Variants in TBKBP1 observed in about 807,000 individuals in gnomAD.
TBKBP1 encodes TBK1 binding protein 1.
In TBKBP1, 47 loss-of-function variants were observed where a neutral mutation model predicts 69.9. That is an observed-to-expected ratio of 0.67 (90% confidence interval 0.53 to 0.86). The LOEUF (loss-of-function observed/expected upper bound fraction) is 0.86. Ranked by LOEUF, TBKBP1 falls within the 40% of genes least tolerant of loss-of-function variation. TBKBP1 has a pLI of 0.00. For missense variants in TBKBP1, 831 were observed against 858.6 expected (o/e 0.97, Z 0.40); for synonymous variants, 418 against 390.3 (o/e 1.07, Z -0.84).
In TBKBP1 at chr17:47,696,319, C is replaced by T. The variant is rs1428727616; in HGVS notation, c.207C>T (p.Leu69=). ...ERENATLRRR[L]KVYEIKYPLI... ...AGAACGCCACCCTCCGACGCCGCCT[C>T]AAAGTCTACGAGATCAAGGTCAGAA... Residue 69 remains leucine, a synonymous_variant, in exon 2 of 10, where the codon CTC becomes CTT. Coordinates refer to ENST00000578982, the MANE Select transcript of TBKBP1 (RefSeq NM_001394755.1). 3 of 1,612,924 alleles carry T rather than the reference C, an allele frequency of 1.9e-6. No individual in the cohort carries two copies. In the African/African-American group the frequency reaches 4.0e-5, roughly 22 times the overall value.
chr17:47,708,861 G>A lies in TBKBP1; in HGVS notation c.1128G>A (p.Pro376=). Residue 376 remains proline, a synonymous_variant, in exon 9 of 10, where the codon CCG becomes CCA. Transcript: ENST00000578982. This position sits in a 1 kb window ranked among gnomAD's most constrained non-coding sequence, Gnocchi z 4.4. ...CCCAGCGCCGCTCTCCCGTGCCCCC[G>A]TGCCCCTCGCCGCAGCAGCGCCGCT... ...PVPQRRSPVP[P]CPSPQQRRSP... is the part of the protein sequence containing the mutation. The A allele has an allele frequency of 3.1e-6, 4 of 1,298,438 alleles. No individual in the cohort carries two copies. The highest frequency in any genetic ancestry group is 5.5e-4 in the Middle Eastern group (2 of 3,644). The allele number at this position is 1,298,438 out of a possible 1,614,324, so 80.4% of individuals were successfully genotyped here.
Position 47,696,272 on chromosome 17 carries a change from C to T in TBKBP1, c.160C>T (p.Arg54Trp). 3.7e-6 allele frequency: 6 copies of T among 1,613,658 alleles called. No individual in the cohort carries two copies. The highest frequency in any genetic ancestry group is 1.1e-5 in the South Asian group (1 of 91,084). The stretch of plus-strand genomic sequence containing the variant: ...CACTGCTTACGGAGACATCAAGGAA[C>T]GGCTGGGGGGCCTGGAGAGGGAGAA... The part of the protein sequence containing the change: ...LITAYGDIKE[R>W]LGGLERENAT... The change falls in exon 2 of 10, where the codon CGG becomes TGG. Residue 54 changes from arginine to tryptophan, a missense_variant. Coordinates refer to ENST00000578982, the MANE Select transcript of TBKBP1 (RefSeq NM_001394755.1).
rs956058131 is a variant in TBKBP1 at position 47,708,700 on chromosome 17, C to G, written c.992-25C>G. ...TCTTCTCTCTGCACCTTTGTCCCCC[C>G]ACCCCGTCCCGGTTTCTCTTCCAGG... On this transcript the variant is annotated intron_variant, in intron 8 of 9. Coordinates refer to ENST00000578982, the MANE Select transcript of TBKBP1 (RefSeq NM_001394755.1). The surrounding 1 kb of genome is among the most constrained non-coding windows in gnomAD (Gnocchi z 4.4). 3.4e-6 allele frequency: 5 copies of G among 1,481,370 alleles called. No homozygotes were observed. The highest frequency in any genetic ancestry group is 2.8e-5 in the African/African-American group (2 of 71,328). 91.8% of individuals were successfully genotyped at this position (1,481,370 alleles called of 1,614,324 possible). A position where few individuals can be genotyped will look rare whatever the true frequency, so the allele number is the denominator to read the frequency against.
intron 7 of TBKBP1, among the ~76,000 whole-genome samples, chr17:47,702,291 C>T (rs952154282): frequency 1.1e-4 from 16 of 151,922 alleles, no homozygotes; most frequent in Non-Finnish European, 2.2e-4. Context: ...GAGTGAGTGT[C>T]GAGGCTGGAT....
chr17:47,703,040 G>A (rs1259031748), intron 7 of TBKBP1, among the ~76,000 whole-genome samples: 1 of 152,158 alleles, frequency 6.6e-6, no homozygotes, highest in Non-Finnish European at 1.5e-5. Context: ...GGGGGTCTGT[G>A]AGGGGAATAA....
At position 47,699,655 on chromosome 17, in the gene TBKBP1, C is replaced by T. The variant is rs767509865; in HGVS notation, c.830C>T (p.Ser277Leu). Residue 277 changes from serine (S) to leucine (L), a missense_variant, in exon 7 of 10, where the codon TCG becomes TTG. Transcript: ENST00000578982. ...TRAQDLASNQSERDMAWVKRV... is the reference protein window; with the variant it reads ...TRAQDLASNQLERDMAWVKRV... The stretch of plus-strand genomic sequence containing the variant: ...CCTTAGGATCTGGCCTCCAACCAGT[C>T]GGAGCGAGACATGGCGTGGGTGAAA... 62 of 1,613,748 alleles carry T rather than the reference C, an allele frequency of 3.8e-5. No individual in the cohort carries two copies. The highest frequency in any genetic ancestry group is 1.6e-4 in the Middle Eastern group (1 of 6,082).
chr17:47,699,017 C>A (rs997370609), intron 5 of TBKBP1, among the ~76,000 whole-genome samples: 1 of 152,180 alleles, frequency 6.6e-6, no homozygotes, highest in Non-Finnish European at 1.5e-5. Flanking sequence ...AGGGCGCCCC[C>A]ACCCAGAGTC....
At position 47,696,251 on chromosome 17, in the gene TBKBP1, GC is replaced by G; in HGVS notation, c.140del (p.Ala47ValfsTer32). On this transcript the variant is annotated frameshift_variant, in exon 2 of 10. Transcript: ENST00000578982. LOFTEE classifies it high-confidence loss of function. ...CSASHFALIT[A>X]YGDIKERLGG... ...CGCCTCCCACTTTGCCCTCATCACT[GC>G]TTACGGAGACATCAAGGAACGGCTG... is the stretch of plus-strand genomic sequence containing the variant. 6.2e-7 allele frequency: 1 copy of G among 1,613,720 alleles called. No homozygotes were observed. Among genetic ancestry groups the G allele is most frequent in the Non-Finnish European group, 8.5e-7 (1 of 1,179,854 alleles).
chr17:47,702,083 T>A (rs2031530126), intron 7 of TBKBP1, among the ~76,000 whole-genome samples: 1 of 152,242 alleles, frequency 6.6e-6, no homozygotes, highest in African/African-American at 2.4e-5. Context: ...ACTACCCCGA[T>A]AGTTTTATTT....
intron 7 of TBKBP1, among the ~76,000 whole-genome samples, chr17:47,703,393 C>A (rs1422923717): frequency 6.6e-6 from 1 of 152,198 alleles, no homozygotes; most frequent in East Asian, 1.9e-4. Flanking sequence ...AACCAGCAGG[C>A]CCAGGGCCTC....
intron 1 of TBKBP1, among the ~76,000 whole-genome samples, chr17:47,694,892 G>C (rs1052310330): frequency 1.3e-5 from 2 of 151,130 alleles, no homozygotes; most frequent in East Asian, 2.0e-4. Flanking sequence ...TGGCGGAGGG[G>C]GGGGGGTGGA....
At chr17:47,706,869 A>ACACG (rs1555623188) in intron 7 of TBKBP1, among the ~76,000 whole-genome samples, 4 of 148,254 alleles carry the variant, frequency 2.7e-5, no homozygotes, top group Admixed American at 2.0e-4. Flanking sequence ...ACACACACAC[A>ACACG]CGCACACACC....
Position 47,698,704 on chromosome 17 carries a change from C to T in TBKBP1, c.563C>T (p.Ala188Val). 2 of 1,607,170 alleles carry T rather than the reference C, an allele frequency of 1.2e-6. No individual in the cohort carries two copies. The highest frequency in any genetic ancestry group is 1.7e-6 in the Non-Finnish European group (2 of 1,176,938). ...TTCTCCAACCTGAGCCCACCGCCAGCCCCCGCCCCTCCCTGCACTGATTTA... is the reference window on the plus strand; with the variant it reads ...TTCTCCAACCTGAGCCCACCGCCAGTCCCCGCCCCTCCCTGCACTGATTTA... ...AAFSNLSPPP[A>V]PAPPCTDLDL... The change falls in exon 5 of 10, where the codon GCC (alanine) becomes GTC (valine). Residue 188 changes from alanine to valine, a missense_variant. Transcript: ENST00000578982.
intron 7 of TBKBP1, among the ~76,000 whole-genome samples, chr17:47,701,565 C>T (rs1233599783): frequency 6.6e-6 from 1 of 152,158 alleles, no homozygotes; most frequent in Non-Finnish European, 1.5e-5. Flanking sequence ...TTTTGAATCC[C>T]AGGGGCCTTT....
chr17:47,702,953 G>A (rs918531138), intron 7 of TBKBP1, among the ~76,000 whole-genome samples: 2 of 149,560 alleles, frequency 1.3e-5, no homozygotes, highest in African/African-American at 2.5e-5. Flanking sequence ...GCCTTTTGGA[G>A]GGTATGGCCG....
chr17:47,694,687 C>G (rs1484657991), intron 1 of TBKBP1: 2 of 151,746 alleles, frequency 1.3e-5, no homozygotes, highest in South Asian at 2.1e-4. Flanking sequence ...GACAGAGCCC[C>G]GCCAGCGGGG....
At chr17:47,703,124 T>C (rs2031572977) in intron 7 of TBKBP1, among the ~76,000 whole-genome samples, 1 of 151,914 alleles carries the variant, frequency 6.6e-6, no homozygotes, top group Admixed American at 6.5e-5. Context: ...GTATGGGCGA[T>C]GAGGAAAAAA....
chr17:47,708,765 C>A lies in TBKBP1; in HGVS notation c.1032C>A (p.Ala344=). 8.9e-7 allele frequency: 1 copy of A among 1,122,698 alleles called. No homozygotes were observed. The highest frequency in any genetic ancestry group is 1.3e-6 in the Non-Finnish European group (1 of 796,334). 69.5% of individuals were successfully genotyped at this position (1,122,698 alleles called of 1,614,324 possible). Reference sequence around the variant, plus strand: ...CGCTGTCACAACGCCACTCCCCGGCCCCCCAGTGCCCCTCCCCCTCCCCGC... The same window carrying A: ...CGCTGTCACAACGCCACTCCCCGGCACCCCAGTGCCCCTCCCCCTCCCCGC... The part of the protein sequence containing the change: ...HSPLSQRHSP[A]PQCPSPSPPA... Residue 344 remains alanine, a synonymous_variant, in exon 9 of 10, where the codon GCC becomes GCA. Transcript: ENST00000578982. This position sits in a 1 kb window ranked among gnomAD's most constrained non-coding sequence, Gnocchi z 4.4.
intron 9 of TBKBP1, among the ~76,000 whole-genome samples, chr17:47,710,229 T>C (rs576315177): frequency 2.6e-5 from 4 of 152,340 alleles, no homozygotes; most frequent in African/African-American, 9.6e-5. Flanking sequence ...TCTGGGGGCA[T>C]GTCTGGGTCT....
Sources: gnomAD v4.1 joint callset for allele counts (sites outside exome capture counted in the v4.1 genomes callset) on GRCh38, gnomAD v4.1.1 for gene constraint, Gnocchi (gnomAD v3.1) non-coding constraint, MANE v1.5 for transcripts, NCBI Gene and HGNC (gene_info 2026-07-23, HGNC 2026-07-21) for gene names.